BRD10: variants seen among roughly 807,000 people sequenced by gnomAD.
BRD10 encodes uncharacterized bromodomain-containing protein 10.
chr9:5,924,864 C>G, the BRD10 span: 5 of 1,429,370 alleles, frequency 3.5e-6, no homozygotes, highest in Non-Finnish European at 4.6e-6. Flanking sequence ...AAATGCCCAA[C>G]ATAATAAATA....
At chr9:5,968,373 C>G in the BRD10 span, 2 of 1,610,540 alleles carry the variant, frequency 1.2e-6, no homozygotes, top group Admixed American at 1.7e-5. Context: ...GAAGCTTCAC[C>G]GTATTTTTCC....
chr9:5,921,907 T>A, the BRD10 span: 1 of 1,613,906 alleles, frequency 6.2e-7, no homozygotes, highest in Non-Finnish European at 8.5e-7. Flanking sequence ...TCCCCATGGA[T>A]GGGGCAAAGC....
the BRD10 span, among the ~76,000 whole-genome samples, chr9:5,996,399 A>G: frequency 6.6e-6 from 1 of 152,182 alleles, no homozygotes; most frequent in East Asian, 1.9e-4. Flanking sequence ...GCTCACTGCA[A>G]CCTTTGCCTC....
the BRD10 span, chr9:5,954,018 G>C: frequency 1.3e-6 from 2 of 1,547,450 alleles, no homozygotes; most frequent in Non-Finnish European, 1.8e-6. Context: ...ACATTTACCT[G>C]AAACTCTGGT....
At chr9:5,923,924 A>T in the BRD10 span, among the ~76,000 whole-genome samples, 1 of 152,226 alleles carries the variant, frequency 6.6e-6, no homozygotes, top group Non-Finnish European at 1.5e-5. Flanking sequence ...ATAACCAAAG[A>T]AAGTCATTAA....
the BRD10 span, among the ~76,000 whole-genome samples, chr9:5,958,348 A>T: frequency 6.6e-6 from 1 of 152,350 alleles, no homozygotes; most frequent in Middle Eastern, 3.4e-3. Context: ...ATTTCTTTAC[A>T]TAAGAAGGTG....
chr9:6,005,287 G>A, the BRD10 span, among the ~76,000 whole-genome samples: 1 of 151,572 alleles, frequency 6.6e-6, no homozygotes, highest in South Asian at 2.1e-4. Flanking sequence ...GAGGCGGGCG[G>A]ATCACCTGAG....
the BRD10 span, among the ~76,000 whole-genome samples, chr9:5,878,865 T>C: frequency 6.6e-6 from 1 of 152,376 alleles, no homozygotes; most frequent in Admixed American, 6.5e-5. Flanking sequence ...TAACTTTATT[T>C]AGTTCAGTGT....
chr9:5,949,358 AAAAC>A, the BRD10 span, among the ~76,000 whole-genome samples: 66 of 152,130 alleles, frequency 4.3e-4, no homozygotes, highest in Admixed American at 1.7e-3. Flanking sequence ...ACTCCGTCTC[AAAAC>A]AAACAAACAA....
chr9:5,963,888 T>G, the BRD10 span, among the ~76,000 whole-genome samples: 3 of 151,672 alleles, frequency 2.0e-5, no homozygotes, highest in East Asian at 3.9e-4. Flanking sequence ...TCCTTACACC[T>G]TATACAAAAA....
the BRD10 span, among the ~76,000 whole-genome samples, chr9:5,951,846 GTTTC>G: frequency 1.3e-5 from 2 of 152,072 alleles, no homozygotes; most frequent in Admixed American, 6.6e-5. Flanking sequence ...CAGTTGCCAA[GTTTC>G]TTTATGAGTA....
At chr9:5,944,456 G>A in the BRD10 span, among the ~76,000 whole-genome samples, 12 of 151,880 alleles carry the variant, frequency 7.9e-5, no homozygotes, top group African/African-American at 1.5e-4. Flanking sequence ...AAAATTATCC[G>A]GGGCAGTATT....
At chr9:5,890,103 T>C in the BRD10 span, among the ~76,000 whole-genome samples, 64 of 152,272 alleles carry the variant, frequency 4.2e-4, no homozygotes, top group African/African-American at 1.5e-3. Flanking sequence ...CCCTTTGAGA[T>C]GGAGATGAGG....
chr9:5,983,157 G>A, the BRD10 span, among the ~76,000 whole-genome samples: 48 of 152,230 alleles, frequency 3.2e-4, no homozygotes, highest in African/African-American at 9.9e-4. Flanking sequence ...AACTGGGGAG[G>A]TAACTGAGTT....
the BRD10 span, among the ~76,000 whole-genome samples, chr9:5,979,512 A>C: frequency 6.6e-6 from 1 of 152,114 alleles, no homozygotes; most frequent in African/African-American, 2.4e-5. Flanking sequence ...TGTCTCAAAA[A>C]AAACCCACAA....
At chr9:6,002,834 A>G in the BRD10 span, among the ~76,000 whole-genome samples, 1 of 151,714 alleles carries the variant, frequency 6.6e-6, no homozygotes, top group African/African-American at 2.4e-5. Flanking sequence ...GTGCCACTAC[A>G]CCTGGCTAAT....
the BRD10 span, among the ~76,000 whole-genome samples, chr9:6,000,227 T>C: frequency 2.0e-5 from 3 of 152,138 alleles, no homozygotes; most frequent in Non-Finnish European, 2.9e-5. Context: ...GGAACATTCA[T>C]AGGTCTCAGG....
At chr9:5,935,997 T>C in the BRD10 span, among the ~76,000 whole-genome samples, 3 of 152,134 alleles carry the variant, frequency 2.0e-5, no homozygotes, top group Admixed American at 2.0e-4. Flanking sequence ...TATGAACGAG[T>C]TATTTTGTTA....
chr9:5,906,800 C>T, the BRD10 span: 3 of 814,134 alleles, frequency 3.7e-6, no homozygotes, highest in South Asian at 2.0e-5. Context: ...AAAACTCATT[C>T]TTAAAACTTT....
Sources: gnomAD v4.1 joint callset for allele counts (sites outside exome capture counted in the v4.1 genomes callset) on GRCh38, gnomAD v4.1.1 for gene constraint, MANE v1.5 for transcripts, NCBI Gene and HGNC (gene_info 2026-07-23, HGNC 2026-07-21) for gene names.